Variants in CDKAL1 observed in about 807,000 individuals in gnomAD.
CDKAL1 encodes the protein CDKAL1 threonylcarbamoyladenosine tRNA methylthiotransferase.
Under a neutral mutation model 68.2 loss-of-function variants are expected in CDKAL1, and 32 were observed. That is an observed-to-expected ratio of 0.47 (90% CI 0.35 to 0.63). The LOEUF is 0.63. Ranked by LOEUF, CDKAL1 falls within the 30% of genes least tolerant of loss-of-function variation. The pLI is 0.00. For missense variants in CDKAL1, 606 were observed against 696.7 expected (o/e 0.87, Z 1.47); for synonymous variants, 234 against 244.3 (o/e 0.96, Z 0.39).
intron 4 of CDKAL1, among the ~76,000 whole-genome samples, chr6:20,648,658 T>A (rs1293222016): frequency 2.6e-5 from 4 of 152,198 alleles, no homozygotes; most frequent in Non-Finnish European, 5.9e-5. Context: ...AATCCTATTT[T>A]AATATATAAG....
intron 8 of CDKAL1, 122 bp downstream of exon 8, chr6:20,781,387 A>G (rs1775423908): frequency 1.3e-6 from 1 of 773,212 alleles, no homozygotes; most frequent in Admixed American, 3.1e-5. Context: ...AAAATTACAA[A>G]ATGTGCTCAA....
intron 6 of CDKAL1, among the ~76,000 whole-genome samples, chr6:20,753,496 T>C (rs1442762830): frequency 6.6e-6 from 1 of 152,204 alleles, no homozygotes; most frequent in African/African-American, 2.4e-5. Context: ...TACAGGTTTG[T>C]AGCCTAGGAG....
intron 4 of CDKAL1, among the ~76,000 whole-genome samples, chr6:20,614,696 C>T (rs578080595): frequency 2.0e-5 from 3 of 152,228 alleles, no homozygotes; most frequent in South Asian, 4.2e-4. Flanking sequence ...TTAAAGCAAT[C>T]CCAGATAACA....
intron 11 of CDKAL1, among the ~76,000 whole-genome samples, chr6:21,033,914 C>G (rs1582068051): frequency 6.6e-6 from 1 of 152,054 alleles, no homozygotes; most frequent in Non-Finnish European, 1.5e-5. Flanking sequence ...ATAATTTCAT[C>G]AGCATGCTGG....
At chr6:21,146,850 C>CAAAAAAAAAAAAA (rs1194653980) in intron 13 of CDKAL1, among the ~76,000 whole-genome samples, 1 of 78,260 alleles carries the variant, frequency 1.3e-5, no homozygotes. Context: ...GACTCCGTCT[C>CAAAAAAAAAAAAA]AAAAAAAAAA....
In CDKAL1 at chr6:21,018,173, C is replaced by G. The variant is rs1378293905; in HGVS notation, c.1055+17801C>G. ...GTGTGAATTTACACCTTCCTCAAAA[C>G]AAATTGCTGAAATATTCACCTCTTA... On this transcript the variant is annotated intron_variant, in intron 11 of 15. Transcript: ENST00000274695. Among the ~76,000 whole-genome samples the G allele has an allele frequency of 3.9e-5, 6 of 152,162 alleles. No homozygotes were observed. The South Asian group carries it at 1.0e-3, about 26-fold the overall frequency.
At chr6:20,880,894 A>G (rs1760777776) in intron 9 of CDKAL1, among the ~76,000 whole-genome samples, 1 of 152,204 alleles carries the variant, frequency 6.6e-6, no homozygotes. Context: ...GATGGCTTGA[A>G]TGTGTTGGGT....
Position 20,780,352 on chromosome 6 carries a change from TA to T in CDKAL1, c.518-785del, listed in dbSNP as rs540515082. On this transcript the variant is annotated intron_variant, in intron 7 of 15. Coordinates refer to ENST00000274695, the MANE Select transcript of CDKAL1 (RefSeq NM_017774.3). ...AATAAGTTTAAAATGTTTGTTTGTT[TA>T]AAAAAAATCCAGCCCTAAAGTATAA... Among the ~76,000 whole-genome samples the T allele has an allele frequency of 8.3e-4, 127 of 152,162 alleles. 2 individuals are homozygous for T. Among genetic ancestry groups the T allele is most frequent in the Admixed American group, 5.9e-3 (90 of 15,282 alleles).
chr6:21,061,155 C>T (rs73735616), intron 11 of CDKAL1, among the ~76,000 whole-genome samples: 3,155 of 152,170 alleles, frequency 0.021, 111 homozygotes, highest in African/African-American at 0.069. Flanking sequence ...AAATAGTTTG[C>T]CTGTTCCTTA....
chr6:21,159,480 C>T (rs990264215), intron 13 of CDKAL1, among the ~76,000 whole-genome samples: 7 of 152,196 alleles, frequency 4.6e-5, no homozygotes, highest in African/African-American at 1.4e-4. Context: ...TGTGACACTA[C>T]TCTTCATATA....
intron 13 of CDKAL1, among the ~76,000 whole-genome samples, chr6:21,119,606 A>G (rs891937340): frequency 6.6e-6 from 1 of 152,178 alleles, no homozygotes; most frequent in African/African-American, 2.4e-5. Context: ...TGCAGTGGTC[A>G]TGGGTTTTGT....
intron 4 of CDKAL1, among the ~76,000 whole-genome samples, chr6:20,625,846 A>T (rs979056199): frequency 2.6e-5 from 4 of 152,112 alleles, no homozygotes; most frequent in African/African-American, 9.6e-5. Context: ...TAAGATTGTA[A>T]TTGGGAAACT....
At chr6:20,920,056 G>A (rs968011445) in intron 9 of CDKAL1, among the ~76,000 whole-genome samples, 1 of 152,174 alleles carries the variant, frequency 6.6e-6, no homozygotes, top group Non-Finnish European at 1.5e-5. Context: ...ATTGGGGATT[G>A]TTCCTAGAAG....
intron 6 of CDKAL1, among the ~76,000 whole-genome samples, chr6:20,754,233 T>C (rs559610409): frequency 6.6e-6 from 1 of 152,308 alleles, no homozygotes; most frequent in East Asian, 1.9e-4. Flanking sequence ...TCTTCCCATA[T>C]TGGCCTCCCA....
intron 6 of CDKAL1, among the ~76,000 whole-genome samples, chr6:20,747,351 A>G (rs149794112): frequency 2.6e-5 from 4 of 152,218 alleles, no homozygotes; most frequent in African/African-American, 2.4e-5. Context: ...CTTTGGATAT[A>G]TAAGGATTGC....
chr6:20,950,366 C>T (rs371492468), intron 9 of CDKAL1, among the ~76,000 whole-genome samples: 7 of 152,050 alleles, frequency 4.6e-5, no homozygotes, highest in South Asian at 4.1e-4. Flanking sequence ...TCAGGTGATC[C>T]GCCCGCCTTG....
chr6:20,618,103 G>A (rs570699895), intron 4 of CDKAL1, among the ~76,000 whole-genome samples: 3 of 152,116 alleles, frequency 2.0e-5, no homozygotes, highest in East Asian at 1.9e-4. Context: ...TTTAATGATC[G>A]CCATTCTAAC....
chr6:20,889,033 T>C (rs1156555312), intron 9 of CDKAL1, among the ~76,000 whole-genome samples: 1 of 152,194 alleles, frequency 6.6e-6, no homozygotes, highest in Non-Finnish European at 1.5e-5. Flanking sequence ...CCAGCACCTG[T>C]TGTTTCCTGA....
chr6:21,087,437 C>T (rs1024497348), intron 12 of CDKAL1, among the ~76,000 whole-genome samples: 8 of 152,150 alleles, frequency 5.3e-5, no homozygotes, highest in African/African-American at 1.9e-4. Context: ...TCAAATGATC[C>T]TCCAGCCTCA....
Sources: allele counts gnomAD v4.1 joint callset (sites outside exome capture counted in the v4.1 genomes callset), GRCh38; gene constraint gnomAD v4.1.1; transcripts MANE v1.5; gene names NCBI Gene and HGNC (gene_info 2026-07-23, HGNC 2026-07-21).